Variants in TEX11 observed in about 807,000 individuals in gnomAD.
TEX11 encodes the protein testis-expressed protein 11.
TEX11 carries 7 observed loss-of-function variants against 84.4 expected under a neutral mutation model. That is an observed-to-expected ratio of 0.08 (90% confidence interval 0.05 to 0.16). TEX11 has a LOEUF of 0.16. Among genes scored for constraint, TEX11 ranks in the 10% least tolerant of loss-of-function variants. The pLI is 1.00. For synonymous variants in TEX11, 264 were observed against 222.8 expected, an observed-to-expected ratio of 1.18 and a Z score of -1.64; for missense variants, 551 against 660.5, an observed-to-expected ratio of 0.83 and a Z score of 1.82.
intron 20 of TEX11, among the ~76,000 whole-genome samples, chrX:70,617,592 C>T (rs1292338287): frequency 9.1e-6 from 1 of 109,545 alleles, no homozygotes; most frequent in Non-Finnish European, 1.9e-5. Context: ...AAGTCAAATG[C>T]CACATCTCAA....
intron 20 of TEX11, among the ~76,000 whole-genome samples, chrX:70,623,711 G>C (rs895130847): frequency 1.8e-5 from 2 of 111,306 alleles, no homozygotes; most frequent in African/African-American, 6.5e-5. Context: ...AATGGTGTAG[G>C]TATTATTATT....
At chrX:70,630,713 G>A (rs981303056) in intron 17 of TEX11, among the ~76,000 whole-genome samples, 1 of 111,678 alleles carries the variant, frequency 9.0e-6, no homozygotes, top group Admixed American at 9.5e-5. Flanking sequence ...CCAATTAAAA[G>A]GCAGAGATAG....
intron 20 of TEX11, among the ~76,000 whole-genome samples, chrX:70,622,779 C>T (rs1319555437): frequency 8.9e-6 from 1 of 111,772 alleles, no homozygotes; most frequent in Non-Finnish European, 1.9e-5. Context: ...TCAATCTTAT[C>T]TCCTTGATAC....
At chrX:70,826,953 C>A (rs1268237656) in intron 8 of TEX11, among the ~76,000 whole-genome samples, 2 of 111,117 alleles carry the variant, frequency 1.8e-5, no homozygotes, top group Non-Finnish European at 3.8e-5. Flanking sequence ...GGAGGGCTTG[C>A]ACCATCCCTT....
In TEX11 at chrX:70,873,216, T is replaced by A. The variant is rs1194829899; in HGVS notation, c.244+7A>T. ...CTCATAATACATGTCACAATATGTA[T>A]ACATACATCTAATTTTCTGCTCTTC... On this transcript the variant is annotated splice_region_variant and intron_variant, in intron 4 of 29. Coordinates refer to ENST00000374333, the MANE Select transcript of TEX11 (RefSeq NM_031276.3). 1 of 1,073,121 alleles carries A rather than the reference T, an allele frequency of 9.3e-7. No individual in the cohort carries two copies. The highest frequency in any genetic ancestry group is 1.3e-6 in the Non-Finnish European group (1 of 770,816). The allele number at this position is 1,073,121 out of a possible 1,213,427, so 88.4% of individuals were successfully genotyped here.
chrX:70,709,607 G>C (rs2090407897), intron 13 of TEX11, among the ~76,000 whole-genome samples: 1 of 110,928 alleles, frequency 9.0e-6, no homozygotes, highest in Non-Finnish European at 1.9e-5. Flanking sequence ...GTAAGTTTAT[G>C]GAAAAATAAT....
At chrX:70,848,104 C>G (rs1371598002) in intron 7 of TEX11, among the ~76,000 whole-genome samples, 1 of 111,796 alleles carries the variant, frequency 8.9e-6, no homozygotes, top group Non-Finnish European at 1.9e-5. Context: ...ACTTTTCAAT[C>G]AATTCTAAAC....
chrX:70,879,237 T>C (rs988884474), intron 3 of TEX11, among the ~76,000 whole-genome samples: 2 of 111,171 alleles, frequency 1.8e-5, no homozygotes, highest in African/African-American at 6.5e-5. Context: ...ACAACAACTC[T>C]GTGAAATACT....
At chrX:70,790,574 A>G (rs1484472255) in intron 9 of TEX11, among the ~76,000 whole-genome samples, 1 of 112,352 alleles carries the variant, frequency 8.9e-6, no homozygotes, top group East Asian at 2.8e-4. Context: ...TTCTGCATGC[A>G]AGGCAGCTGC....
At chrX:70,741,385 T>C (rs1173715202) in intron 10 of TEX11, among the ~76,000 whole-genome samples, 1 of 111,553 alleles carries the variant, frequency 9.0e-6, no homozygotes, top group Non-Finnish European at 1.9e-5. Flanking sequence ...TCAAAAATAA[T>C]CTAGAGTAGT....
chrX:70,606,726 T>A lies in TEX11; in HGVS notation c.1950+233A>T, dbSNP rs760249043. 6.2e-5 allele frequency among the ~76,000 whole-genome samples: 7 copies of A among 112,016 alleles called. No individual in the cohort carries two copies. The Admixed American group carries it at 6.6e-4, about 11-fold the overall frequency. Reference sequence around the variant, plus strand: ...AGAAATAAGTCTTAAATGGTAGAACTTTAGGCTCCCTGATGAATGTTTCTG... The same window carrying A: ...AGAAATAAGTCTTAAATGGTAGAACATTAGGCTCCCTGATGAATGTTTCTG... On this transcript the variant is annotated intron_variant, in intron 23 of 29. Transcript: ENST00000374333.
At chrX:70,784,804 C>T (rs754828754) in intron 9 of TEX11, among the ~76,000 whole-genome samples, 1 of 111,525 alleles carries the variant, frequency 9.0e-6, no homozygotes, top group South Asian at 3.8e-4. Context: ...GAACTACAAA[C>T]CACTGCTCCA....
At position 70,740,681 on chromosome X, in the gene TEX11, C is replaced by A; in HGVS notation, c.843+20G>T. On this transcript the variant is annotated intron_variant, in intron 11 of 29. Coordinates refer to ENST00000374333, the MANE Select transcript of TEX11 (RefSeq NM_031276.3). The stretch of plus-strand genomic sequence containing the variant: ...TCAAAAAATACATTAAGTTAGTATT[C>A]AAAAATACAAGCCCCATACCTTGTT... 4.6e-6 allele frequency: 5 copies of A among 1,093,264 alleles called. No individual in the cohort carries two copies. The highest frequency in any genetic ancestry group is 4.9e-6 in the Non-Finnish European group (4 of 812,445). The allele number at this position is 1,093,264 out of a possible 1,213,427, so 90.1% of individuals were successfully genotyped here. A position where few individuals can be genotyped will look rare whatever the true frequency, so the allele number is the denominator to read the frequency against.
At position 70,860,933 on chromosome X, in the gene TEX11, T is replaced by C. The variant is rs746751241; in HGVS notation, c.248A>G (p.His83Arg). Residue 83 changes from histidine (H) to arginine (R), a missense_variant, in exon 5 of 30, where the codon CAT becomes CGT. Coordinates refer to ENST00000374333, the MANE Select transcript of TEX11 (RefSeq NM_031276.3). ...LVNEEQKIRL[H>R]YVACKLLSMC... The stretch of plus-strand genomic sequence containing the variant: ...ACTCAGCAACTTGCAAGCAACATAA[T>C]GTACTGCAAAACAGTAATTAGACAA... 5.6e-5 allele frequency: 65 copies of C among 1,164,154 alleles called. No homozygotes were observed. Among genetic ancestry groups the C allele is most frequent in the Admixed American group, 1.0e-4 (4 of 39,131 alleles).
chrX:70,712,890 C>T (rs2090452355), intron 13 of TEX11, among the ~76,000 whole-genome samples: 1 of 111,393 alleles, frequency 9.0e-6, no homozygotes, highest in Admixed American at 9.6e-5. Context: ...GGAATGCTTC[C>T]AGTGTTTGCC....
intron 9 of TEX11, among the ~76,000 whole-genome samples, chrX:70,786,510 A>G (rs1347673779): frequency 2.7e-5 from 3 of 111,467 alleles, no homozygotes; most frequent in Non-Finnish European, 5.7e-5. Context: ...AATGAATGGC[A>G]ATCCTTCCCA....
In TEX11 at chrX:70,613,777, G is replaced by A. The variant is rs182153040; in HGVS notation, c.1752-3234C>T. On this transcript the variant is annotated intron_variant, in intron 20 of 29. Transcript: ENST00000374333. ...TAGCATAGCTTGTGGCTCCAAAGGA[G>A]ACCTCTTCCTTCCGCTTGAAGAGAA... Among the ~76,000 whole-genome samples the A allele has an allele frequency of 6.3e-5, 7 of 111,326 alleles. No homozygotes were observed. The East Asian group carries it at 2.0e-3, about 32-fold the overall frequency.
At chrX:70,819,673 C>T (rs1285403452) in intron 8 of TEX11, among the ~76,000 whole-genome samples, 4 of 110,889 alleles carry the variant, frequency 3.6e-5, no homozygotes, top group Non-Finnish European at 5.7e-5. Flanking sequence ...TCATATATTT[C>T]GAGAATCCTA....
chrX:70,802,377 CAT>C (rs10550887), intron 9 of TEX11, among the ~76,000 whole-genome samples: 8,416 of 110,718 alleles, frequency 0.076, 493 homozygotes, highest in Admixed American at 0.28. Context: ...GTTATAATGA[CAT>C]GTGAGAAAAA....
Sources: allele counts gnomAD v4.1 joint callset (sites outside exome capture counted in the v4.1 genomes callset), GRCh38; gene constraint gnomAD v4.1.1; transcripts MANE v1.5; gene names NCBI Gene and HGNC (gene_info 2026-07-23, HGNC 2026-07-21).